Variants in ZCCHC14 observed in about 807,000 individuals in gnomAD.
ZCCHC14 encodes zinc finger CCHC domain-containing protein 14.
A neutral mutation model predicts 85.0 loss-of-function variants in ZCCHC14; 16 were observed. The ratio of observed to expected loss-of-function variants is 0.19; its 90% CI spans 0.13 to 0.29. The LOEUF (loss-of-function observed/expected upper bound fraction) is 0.29. Among genes scored for constraint, ZCCHC14 ranks in the 10% least tolerant of loss-of-function variants. The pLI is 1.00. For missense variants in ZCCHC14, 1,303 were observed against 1,443.5 expected (o/e 0.90, Z 1.58); for synonymous variants, 775 against 630.7 (o/e 1.23, Z -3.43).
At chr16:87,464,215 G>A (rs887937386) in intron 1 of ZCCHC14, among the ~76,000 whole-genome samples, 2 of 152,208 alleles carry the variant, frequency 1.3e-5, no homozygotes, top group Admixed American at 1.3e-4. Context: ...CACAGCCTTG[G>A]AGAGAAGGAG....
intron 2 of ZCCHC14, among the ~76,000 whole-genome samples, chr16:87,455,873 G>C (rs1368798417): frequency 1.3e-5 from 2 of 152,244 alleles, no homozygotes; most frequent in Admixed American, 6.5e-5. Context: ...CTGTGTGTTA[G>C]ATAATTTTGC....
At chr16:87,465,423 C>T (rs1298106878) in intron 1 of ZCCHC14, among the ~76,000 whole-genome samples, 4 of 152,366 alleles carry the variant, frequency 2.6e-5, no homozygotes, top group Middle Eastern at 3.4e-3. Flanking sequence ...TGTTCCACCA[C>T]ATCTACAAAG....
intron 1 of ZCCHC14, among the ~76,000 whole-genome samples, chr16:87,487,831 C>A (rs779712369): frequency 2.0e-5 from 3 of 152,148 alleles, no homozygotes; most frequent in Non-Finnish European, 4.4e-5. Context: ...CTGACACACC[C>A]ACAGCATGGA....
intron 2 of ZCCHC14, among the ~76,000 whole-genome samples, chr16:87,433,893 C>T (rs1290406653): frequency 6.6e-6 from 1 of 152,180 alleles, no homozygotes; most frequent in Non-Finnish European, 1.5e-5. Context: ...ATCCGCCCGC[C>T]TCAGCCTCCC....
chr16:87,452,316 C>T (rs1479950366), intron 2 of ZCCHC14, among the ~76,000 whole-genome samples: 1 of 152,228 alleles, frequency 6.6e-6, no homozygotes, highest in African/African-American at 2.4e-5. Flanking sequence ...GAGCTGGCAG[C>T]TCCATGCTGG....
intron 1 of ZCCHC14, among the ~76,000 whole-genome samples, chr16:87,489,786 G>A (rs1019021560): frequency 1.3e-5 from 2 of 152,182 alleles, no homozygotes; most frequent in Non-Finnish European, 2.9e-5. Flanking sequence ...AGACATTTTT[G>A]TTCTAGATTT....
chr16:87,429,614 C>T, intron 3 of ZCCHC14, among the ~76,000 whole-genome samples: 1 of 151,628 alleles, frequency 6.6e-6, no homozygotes, highest in East Asian at 1.9e-4. Context: ...GACACTATCT[C>T]TTTTTTTTTC....
chr16:87,459,195 C>T (rs895180008), intron 2 of ZCCHC14, among the ~76,000 whole-genome samples: 7 of 152,138 alleles, frequency 4.6e-5, no homozygotes, highest in Non-Finnish European at 1.0e-4. Context: ...GTTTCAAGTG[C>T]GCGGAAGGCA....
intron 2 of ZCCHC14, among the ~76,000 whole-genome samples, chr16:87,445,984 C>T (rs1031218635): frequency 1.3e-5 from 2 of 152,060 alleles, no homozygotes; most frequent in African/African-American, 4.8e-5. Flanking sequence ...TTACTCCAAA[C>T]ATCGACAGTA....
Position 87,420,859 on chromosome 16 carries a change from T to C in ZCCHC14, c.841-143A>G, listed in dbSNP as rs558364936. The C allele has an allele frequency of 5.0e-6, 3 of 601,448 alleles. No homozygotes were observed. Among genetic ancestry groups the C allele is most frequent in the Non-Finnish European group, 8.6e-6 (3 of 349,128 alleles). 37.3% of individuals were successfully genotyped at this position (601,448 alleles called of 1,614,324 possible). ...TGATTTACACCTCCCGTCAGAGCTA[T>C]TCTGGGGCCCACATCCACTTAGGGT... is the stretch of plus-strand genomic sequence containing the variant. On this transcript the variant is annotated intron_variant, in intron 4 of 12. Transcript: ENST00000671377. The surrounding 1 kb of genome is among the most constrained non-coding windows in gnomAD (Gnocchi z 5.0).
chr16:87,487,670 G>A (rs1231889739), intron 1 of ZCCHC14, among the ~76,000 whole-genome samples: 2 of 152,266 alleles, frequency 1.3e-5, no homozygotes, highest in Non-Finnish European at 2.9e-5. Flanking sequence ...GCACGGGGGT[G>A]AAGACAAAGA....
At position 87,492,920 on chromosome 16, in the gene ZCCHC14, GCGACGGCGA is replaced by G. The variant is rs1387693266; in HGVS notation, c.-691_-683del. ...TCCGGGCCCGAGCGCGGCGGCGGCG[GCGACGGCGA>G]CGGCGACGGCGACGGCGACGGCGGA... On this transcript the variant is annotated 5_prime_UTR_variant, in exon 1 of 13. Transcript: ENST00000671377. The surrounding 1 kb of genome is among the most constrained non-coding windows in gnomAD (Gnocchi z 6.7). 7.1e-6 allele frequency among the ~76,000 whole-genome samples: 1 copy of G among 140,934 alleles called. No individual in the cohort carries two copies. The highest frequency in any genetic ancestry group is 2.9e-5 in the African/African-American group (1 of 34,966). The allele number at this position is 140,934 out of a possible 152,430, so 92.5% of individuals were successfully genotyped here.
intron 2 of ZCCHC14, among the ~76,000 whole-genome samples, chr16:87,437,622 T>TG (rs1328664002): frequency 6.6e-6 from 1 of 152,240 alleles, no homozygotes; most frequent in Non-Finnish European, 1.5e-5. Flanking sequence ...GGGCCAGGCC[T>TG]GCGCCCTCCT....
At chr16:87,437,121 G>A (rs1909962534) in intron 2 of ZCCHC14, among the ~76,000 whole-genome samples, 1 of 152,006 alleles carries the variant, frequency 6.6e-6, no homozygotes, top group Non-Finnish European at 1.5e-5. Flanking sequence ...TGGATCACCT[G>A]AGGTCAGGAG....
At position 87,408,595 on chromosome 16, in the gene ZCCHC14, G is replaced by C. The variant is rs949894970; in HGVS notation, c.*1685C>G. On this transcript the variant is annotated 3_prime_UTR_variant, in exon 13 of 13. Coordinates refer to ENST00000671377, the MANE Select transcript of ZCCHC14 (RefSeq NM_015144.3). ...AACACTGTAATACTGTGTACCATGA[G>C]GAGAAGAGGTCTGTTAATTCTGCAT... The C allele has an allele frequency of 6.6e-6, 1 of 152,414 alleles. No individual in the cohort carries two copies. Among genetic ancestry groups the C allele is most frequent in the African/African-American group, 2.4e-5 (1 of 41,418 alleles). 9.4% of individuals were successfully genotyped at this position (152,414 alleles called of 1,614,324 possible).
chr16:87,453,196 C>T (rs1214276595), intron 2 of ZCCHC14, among the ~76,000 whole-genome samples: 1 of 152,196 alleles, frequency 6.6e-6, no homozygotes, highest in South Asian at 2.1e-4. Context: ...GCAGCGCTCA[C>T]GCAGAGCCCG....
chr16:87,442,573 GA>G (rs201509298), intron 2 of ZCCHC14, among the ~76,000 whole-genome samples: 1 of 151,420 alleles, frequency 6.6e-6, no homozygotes, highest in African/African-American at 2.4e-5. Flanking sequence ...AAAATTTACA[GA>G]AAAAAAAATT....
chr16:87,465,256 C>T (rs1911465908), intron 1 of ZCCHC14, among the ~76,000 whole-genome samples: 1 of 152,252 alleles, frequency 6.6e-6, no homozygotes, highest in Non-Finnish European at 1.5e-5. Context: ...TTCCTTTGCA[C>T]TTCGAACTGG....
chr16:87,474,656 T>C (rs758505636), intron 1 of ZCCHC14, among the ~76,000 whole-genome samples: 20 of 152,126 alleles, frequency 1.3e-4, no homozygotes, highest in Non-Finnish European at 2.5e-4. Context: ...AACCTGGTCC[T>C]CCTCAGAGAA....
Sources: allele counts gnomAD v4.1 joint callset (sites outside exome capture counted in the v4.1 genomes callset), GRCh38; gene constraint gnomAD v4.1.1; non-coding constraint Gnocchi (gnomAD v3.1); transcripts MANE v1.5; gene names NCBI Gene and HGNC (gene_info 2026-07-23, HGNC 2026-07-21).